Variants in PARVA observed in about 807,000 individuals in gnomAD.
PARVA encodes alpha-parvin.
In PARVA, 25 loss-of-function variants were observed where a neutral mutation model predicts 52.6. The observed-to-expected ratio is 0.48, with a 90% CI of 0.35 to 0.66. The LOEUF is 0.66. PARVA is among the 30% of genes least tolerant of loss of function. The probability of loss-of-function intolerance (pLI) is 0.01; values close to 1 mark genes in which losing one functional copy is unlikely to be tolerated. For missense variants in PARVA, 373 were observed against 450.9 expected (o/e 0.83, Z 1.56); for synonymous variants, 185 against 179.1 (o/e 1.03, Z -0.26).
rs564105313 is a variant in PARVA at position 12,533,725 on chromosome 11, TAAGC to T, written c.*5804_*5807del. On this transcript the variant is annotated 3_prime_UTR_variant, in exon 13 of 13. Transcript: ENST00000334956. Reference sequence around the variant, plus strand: ...AGAAAAAATGTTACTAAGAAAAACATAAGCAAGAGAAAATATATTTACTATTAAG... The same window carrying T: ...AGAAAAAATGTTACTAAGAAAAACATAAGAGAAAATATATTTACTATTAAG... Among the ~76,000 whole-genome samples, 9 of 152,048 alleles carry T rather than the reference TAAGC, an allele frequency of 5.9e-5. No individual in the cohort carries two copies. The South Asian group carries it at 1.7e-3, about 28-fold the overall frequency.
intron 9 of PARVA, 192 bp from the exon 10 acceptor site, chr11:12,513,805 A>G: frequency 1.6e-6 from 1 of 609,308 alleles, no homozygotes; most frequent in East Asian, 2.8e-5. Flanking sequence ...ATGGGACTGC[A>G]AAGTCGAGCC....
At chr11:12,504,257 A>T in intron 5 of PARVA, 57 bp from the exon 6 acceptor site, 1 of 957,340 alleles carries the variant, frequency 1.0e-6, no homozygotes, top group African/African-American at 1.6e-5. Context: ...ACATCTGCTT[A>T]TATTGCCTAG....
intron 1 of PARVA, among the ~76,000 whole-genome samples, chr11:12,433,737 C>G (rs1940348794): frequency 6.6e-6 from 1 of 152,134 alleles, no homozygotes; most frequent in South Asian, 2.1e-4. Flanking sequence ...CGAAAAAGGC[C>G]CCGGCCTCTC....
intron 1 of PARVA, among the ~76,000 whole-genome samples, chr11:12,432,155 G>A (rs12281138): frequency 0.18 from 27,964 of 152,136 alleles, 4,685 homozygotes; most frequent in African/African-American, 0.45. Context: ...TACTATAGTT[G>A]AGTAGTGACT....
intron 1 of PARVA, among the ~76,000 whole-genome samples, chr11:12,415,195 ACTGGAAAT>A (rs1360846010): frequency 2.6e-5 from 4 of 152,126 alleles, no homozygotes; most frequent in Admixed American, 2.6e-4. Context: ...GCGTTTTGGG[ACTGGAAAT>A]CTGTGAATAC....
At chr11:12,479,292 T>G (rs1941053925) in intron 4 of PARVA, 1 of 151,040 alleles carries the variant, frequency 6.6e-6, no homozygotes, top group South Asian at 2.1e-4. Flanking sequence ...TATTATAGCC[T>G]TTACAGTACT....
chr11:12,423,828 T>C (rs1940188030), intron 1 of PARVA, among the ~76,000 whole-genome samples: 1 of 152,200 alleles, frequency 6.6e-6, no homozygotes, highest in Non-Finnish European at 1.5e-5. Flanking sequence ...AGAGTCTTTG[T>C]CCTGGCTTTG....
intron 1 of PARVA, among the ~76,000 whole-genome samples, chr11:12,409,084 G>T (rs1939955397): frequency 6.6e-6 from 1 of 152,214 alleles, no homozygotes; most frequent in South Asian, 2.1e-4. Flanking sequence ...AGGGCCACTG[G>T]AAGCCTATGA....
Position 12,517,683 on chromosome 11 carries a change from T to A in PARVA, c.941T>A (p.Phe314Tyr), listed in dbSNP as rs763551973. ...EGYFVPLHSF[F>Y]LTPDSFEQKV... is the part of the protein sequence containing the mutation. ...TACTTTGTGCCCCTGCACAGCTTCT[T>A]CCTGACCCCGGACAGCTTTGAACAG... Residue 314 changes from phenylalanine (F) to tyrosine (Y), a missense_variant, in exon 11 of 13, where the codon TTC (phenylalanine) becomes TAC (tyrosine). By Grantham distance (22) the Phe-to-Tyr change is conservative. Coordinates refer to ENST00000334956, the MANE Select transcript of PARVA (RefSeq NM_018222.5). The A allele has an allele frequency of 5.0e-6, 8 of 1,603,642 alleles. No individual in the cohort carries two copies. The highest frequency in any genetic ancestry group is 6.8e-6 in the Non-Finnish European group (8 of 1,174,884).
At chr11:12,383,819 T>G (rs1939529322) in intron 1 of PARVA, among the ~76,000 whole-genome samples, 1 of 152,204 alleles carries the variant, frequency 6.6e-6, no homozygotes, top group South Asian at 2.1e-4. Context: ...CAAAAAAGTT[T>G]CTAATACATT....
intron 12 of PARVA, among the ~76,000 whole-genome samples, chr11:12,522,640 A>AACTCCTGATCTC (rs924436994): frequency 3.3e-5 from 5 of 151,954 alleles, no homozygotes; most frequent in African/African-American, 1.2e-4. Flanking sequence ...GCTGGTCTTG[A>AACTCCTGATCTC]ACTCCTGATC....
In PARVA at chr11:12,503,510, G is replaced by A. The variant is rs1185198428; in HGVS notation, c.542-804G>A. Among the ~76,000 whole-genome samples, 4 of 152,024 alleles carry A rather than the reference G, an allele frequency of 2.6e-5. 1 individual carries two copies. The highest frequency in any genetic ancestry group is 9.7e-5 in the African/African-American group (4 of 41,388). On this transcript the variant is annotated intron_variant, in intron 5 of 12. Transcript: ENST00000334956. ...ATCCTCATGGGAACCTGGGATTAGAGAGGTGCCACATTGGAAATCTGGCAA... is the reference window on the plus strand; with the variant it reads ...ATCCTCATGGGAACCTGGGATTAGAAAGGTGCCACATTGGAAATCTGGCAA...
At chr11:12,433,331 T>C (rs1361758329) in intron 1 of PARVA, among the ~76,000 whole-genome samples, 1 of 152,226 alleles carries the variant, frequency 6.6e-6, no homozygotes, top group African/African-American at 2.4e-5. Flanking sequence ...TAAGCCCAAA[T>C]AAAAGCAAAG....
intron 1 of PARVA, among the ~76,000 whole-genome samples, chr11:12,383,223 G>A (rs2134944204): frequency 6.6e-6 from 1 of 152,124 alleles, no homozygotes; most frequent in South Asian, 2.1e-4. Context: ...TGTTGGACAT[G>A]GCCCTCCTGT....
rs548115699 is a variant in PARVA at position 12,387,588 on chromosome 11, A to G, written c.136+9805A>G. 1.4e-4 allele frequency among the ~76,000 whole-genome samples: 22 copies of G among 151,788 alleles called. No individual in the cohort carries two copies. In the South Asian group the frequency reaches 4.2e-3, roughly 29 times the overall value. ...GTGTGTGTGTGTATGTAGCTTATGA[A>G]AATGCCTCATCCCTACCCCTAGGAA... On this transcript the variant is annotated intron_variant, in intron 1 of 12. Transcript: ENST00000334956.
chr11:12,499,437 C>CTT (rs1300364591), intron 5 of PARVA, among the ~76,000 whole-genome samples: 2 of 142,388 alleles, frequency 1.4e-5, no homozygotes, highest in African/African-American at 2.6e-5. Context: ...GGATTTCTTC[C>CTT]TTTTTTTTTT....
At chr11:12,478,556 C>T (rs1481367244) in intron 4 of PARVA, 1 of 168,386 alleles carries the variant, frequency 5.9e-6, no homozygotes, top group Non-Finnish European at 1.3e-5. Context: ...AAACCGTCCC[C>T]TCAGATTCTC....
At chr11:12,381,224 C>A (rs567016638) in intron 1 of PARVA, among the ~76,000 whole-genome samples, 1 of 152,008 alleles carries the variant, frequency 6.6e-6, no homozygotes, top group Non-Finnish European at 1.5e-5. Context: ...AGGTGTGGGG[C>A]CCCATTAACC....
chr11:12,378,152 C>T (rs923834534), intron 1 of PARVA, among the ~76,000 whole-genome samples: 22 of 152,142 alleles, frequency 1.4e-4, no homozygotes, highest in African/African-American at 5.3e-4. Flanking sequence ...CCAGTAGGCC[C>T]TGCCCCGCCC....
Sources: gnomAD v4.1 joint callset for allele counts (sites outside exome capture counted in the v4.1 genomes callset) on GRCh38, gnomAD v4.1.1 for gene constraint, MANE v1.5 for transcripts, NCBI Gene and HGNC (gene_info 2026-07-23, HGNC 2026-07-21) for gene names.